The following AGBL4 variants were observed in gnomAD, a reference collection of about 807,000 sequenced individuals.
The protein encoded by AGBL4 is cytosolic carboxypeptidase 6.
Under a neutral mutation model 66.4 loss-of-function variants are expected in AGBL4, and 58 were observed. The ratio of observed to expected loss-of-function variants is 0.87; its 90% CI spans 0.71 to 1.09. AGBL4 has a LOEUF of 1.09. Among genes scored for constraint, AGBL4 ranks in the 50% least tolerant of loss-of-function variants. AGBL4 has a pLI of 0.00. For synonymous variants in AGBL4, 234 were observed against 222.9 expected, an observed-to-expected ratio of 1.05 and a Z score of -0.44; for missense variants, 579 against 631.0, an observed-to-expected ratio of 0.92 and a Z score of 0.88.
rs542920280 is a variant in AGBL4, at chr1:48,978,210, G to C, written c.594+67374C>G. ...GTGAGTATAGGTAAGTAACCAAAGG[G>C]ATGGACTGTGTCCGTTATTCACCTA... On this transcript the variant is annotated intron_variant, in intron 5 of 13. Coordinates refer to ENST00000371839, the MANE Select transcript of AGBL4 (RefSeq NM_032785.4). Among the ~76,000 whole-genome samples the C allele has an allele frequency of 2.6e-5, 4 of 152,264 alleles. No individual in the cohort carries two copies. The South Asian group carries it at 8.3e-4, about 32-fold the overall frequency.
chr1:48,825,916 G>T (rs994006692), intron 6 of AGBL4, among the ~76,000 whole-genome samples: 1 of 152,150 alleles, frequency 6.6e-6, no homozygotes, highest in Non-Finnish European at 1.5e-5. Flanking sequence ...ATTTAGGGGG[G>T]AAGAAATGAA....
intron 3 of AGBL4, among the ~76,000 whole-genome samples, chr1:49,638,796 T>G (rs1485199984): frequency 6.6e-6 from 1 of 152,146 alleles, no homozygotes; most frequent in Non-Finnish European, 1.5e-5. Flanking sequence ...TTTTTGGAAA[T>G]TACCCAGTCT....
chr1:49,616,523 C>A (rs972831352), intron 3 of AGBL4, among the ~76,000 whole-genome samples: 1 of 152,102 alleles, frequency 6.6e-6, no homozygotes, highest in East Asian at 1.9e-4. Context: ...CTGGTAAGCT[C>A]CTCAACCAGT....
chr1:49,926,739 A>G (rs1652817708), intron 1 of AGBL4, among the ~76,000 whole-genome samples: 1 of 152,194 alleles, frequency 6.6e-6, no homozygotes, highest in South Asian at 2.1e-4. Context: ...TGGAGTAAAA[A>G]CTTGAAATTG....
intron 5 of AGBL4, among the ~76,000 whole-genome samples, chr1:48,963,547 A>C (rs1001411653): frequency 3.6e-4 from 55 of 151,770 alleles, no homozygotes; most frequent in African/African-American, 1.3e-3. Flanking sequence ...CTCACATGAT[A>C]ATGGCTTCCA....
At chr1:49,622,535 A>G (rs1645382768) in intron 3 of AGBL4, among the ~76,000 whole-genome samples, 1 of 142,200 alleles carries the variant, frequency 7.0e-6, no homozygotes, top group East Asian at 2.3e-4. Context: ...AGGCTGAGGC[A>G]GGAGAATGGC....
intron 1 of AGBL4, 82 bp from the exon 2 acceptor site, chr1:49,851,600 C>T (rs1646308110): frequency 7.2e-7 from 1 of 1,392,026 alleles, no homozygotes; most frequent in African/African-American, 1.5e-5. Context: ...ATTACCCCTT[C>T]CCTAGTCACC....
At chr1:49,381,967 G>A (rs1190387240) in intron 3 of AGBL4, among the ~76,000 whole-genome samples, 2 of 151,648 alleles carry the variant, frequency 1.3e-5, no homozygotes. Flanking sequence ...TGCACATTGT[G>A]CACATGTACC....
intron 6 of AGBL4, among the ~76,000 whole-genome samples, chr1:48,848,093 A>T (rs1646959021): frequency 1.3e-5 from 2 of 152,186 alleles, no homozygotes; most frequent in African/African-American, 4.8e-5. Context: ...GTGAAGAAAA[A>T]AAAAAGTTTC....
At chr1:49,223,292 G>A (rs902524935) in intron 4 of AGBL4, among the ~76,000 whole-genome samples, 3 of 152,180 alleles carry the variant, frequency 2.0e-5, no homozygotes, top group African/African-American at 7.2e-5. Context: ...AAGGGGAGAG[G>A]AAGCAGGACT....
intron 3 of AGBL4, among the ~76,000 whole-genome samples, chr1:49,499,361 T>TTTA (rs941634033): frequency 4.0e-5 from 6 of 151,882 alleles, no homozygotes; most frequent in Admixed American, 2.6e-4. Flanking sequence ...ATAAAATCCT[T>TTTA]TTATTATTAT....
intron 3 of AGBL4, among the ~76,000 whole-genome samples, chr1:49,545,439 A>G (rs1652394994): frequency 6.6e-6 from 1 of 152,334 alleles, no homozygotes. Context: ...ATTGCAGACT[A>G]TAAGAGATCC....
At chr1:49,024,522 C>G (rs1663492959) in intron 5 of AGBL4, among the ~76,000 whole-genome samples, 1 of 152,132 alleles carries the variant, frequency 6.6e-6, no homozygotes, top group African/African-American at 2.4e-5. Flanking sequence ...GTAGGGTAAT[C>G]TTGGACAAGT....
intron 3 of AGBL4, among the ~76,000 whole-genome samples, chr1:49,439,747 T>C (rs190291391): frequency 9.2e-5 from 14 of 152,298 alleles, no homozygotes; most frequent in South Asian, 4.1e-4. Flanking sequence ...TACATCTTTT[T>C]CCCATGCTTG....
chr1:49,686,605 A>C (rs997133877), intron 3 of AGBL4, among the ~76,000 whole-genome samples: 1 of 152,222 alleles, frequency 6.6e-6, no homozygotes, highest in Non-Finnish European at 1.5e-5. Flanking sequence ...TATTGTCTTT[A>C]TTCACATAAT....
chr1:49,891,283 T>C (rs546162119), intron 1 of AGBL4, among the ~76,000 whole-genome samples: 12 of 152,266 alleles, frequency 7.9e-5, no homozygotes, highest in African/African-American at 2.9e-4. Flanking sequence ...GCAAGTTAAC[T>C]TCCCTCCTCC....
chr1:48,792,684 G>A (rs1318962309), intron 6 of AGBL4, among the ~76,000 whole-genome samples: 1 of 152,220 alleles, frequency 6.6e-6, no homozygotes, highest in Non-Finnish European at 1.5e-5. Context: ...AGGATGAGTA[G>A]AAGCTTAGCA....
intron 5 of AGBL4, among the ~76,000 whole-genome samples, chr1:48,993,749 T>C (rs1660787640): frequency 6.6e-6 from 1 of 152,174 alleles, no homozygotes; most frequent in African/African-American, 2.4e-5. Context: ...TGGCTGAGTT[T>C]AGCCTGTTGT....
chr1:48,658,394 G>C (rs1413158381), intron 7 of AGBL4, among the ~76,000 whole-genome samples: 2 of 152,228 alleles, frequency 1.3e-5, no homozygotes, highest in Non-Finnish European at 2.9e-5. Context: ...AAGACAGTTT[G>C]AGGTCTCTGC....
Sources: allele counts gnomAD v4.1 joint callset (sites outside exome capture counted in the v4.1 genomes callset), GRCh38; gene constraint gnomAD v4.1.1; transcripts MANE v1.5; gene names NCBI Gene and HGNC (gene_info 2026-07-23, HGNC 2026-07-21).